FGD4: variants seen among roughly 807,000 people sequenced by gnomAD.
The protein encoded by FGD4 is FYVE, RhoGEF and PH domain containing 4.
Under a neutral mutation model 102.0 loss-of-function variants are expected in FGD4, and 42 were observed. The observed-to-expected ratio is 0.41, with a 90% CI of 0.32 to 0.53. The LOEUF is 0.53. FGD4 is among the 20% of genes least tolerant of loss of function. The pLI is 0.21. For missense variants in FGD4, 902 were observed against 1,078.2 expected (o/e 0.84, Z 2.29); for synonymous variants, 380 against 375.7 (o/e 1.01, Z -0.13).
intron 13 of FGD4, 121 bp from the exon 14 acceptor site, chr12:32,625,533 G>T: frequency 7.7e-7 from 1 of 1,299,202 alleles, no homozygotes; most frequent in Non-Finnish European, 1.1e-6. Flanking sequence ...GCTTCCGAAA[G>T]TGCTGGGATT....
At chr12:32,540,814 C>T (rs1942762838) in intron 1 of FGD4, among the ~76,000 whole-genome samples, 1 of 152,168 alleles carries the variant, frequency 6.6e-6, no homozygotes, top group South Asian at 2.1e-4. Context: ...ATTCGCCCGC[C>T]TCTGCCTCCC....
intron 1 of FGD4, among the ~76,000 whole-genome samples, chr12:32,466,361 T>A (rs1189487149): frequency 1.3e-5 from 2 of 152,044 alleles, no homozygotes; most frequent in African/African-American, 4.8e-5. Context: ...GCAGTGGGGT[T>A]GGCAGGCTCA....
At chr12:32,480,992 A>G (rs1172731883) in intron 1 of FGD4, among the ~76,000 whole-genome samples, 1 of 151,474 alleles carries the variant, frequency 6.6e-6, no homozygotes, top group Non-Finnish European at 1.5e-5. Context: ...TTGTGTGTGT[A>G]TGCATGCTGA....
intron 1 of FGD4, among the ~76,000 whole-genome samples, chr12:32,514,747 T>TAA (rs1342716787): frequency 6.6e-6 from 1 of 152,232 alleles, no homozygotes; most frequent in African/African-American, 2.4e-5. Context: ...AAATTCAATG[T>TAA]AAGATAAAGT....
chr12:32,602,123 ATTTTT>A, intron 6 of FGD4, 33 bp from the exon 7 acceptor site: 1 of 1,572,390 alleles, frequency 6.4e-7, no homozygotes, highest in Non-Finnish European at 8.7e-7. Context: ...TCAAAAAAAA[ATTTTT>A]TTTAAAGACT....
intron 1 of FGD4, among the ~76,000 whole-genome samples, chr12:32,488,982 C>T (rs968538114): frequency 2.0e-5 from 3 of 152,148 alleles, no homozygotes; most frequent in Non-Finnish European, 4.4e-5. Flanking sequence ...ATATTTTATT[C>T]TCTATGATAA....
chr12:32,603,588 T>C (rs1377646157), intron 7 of FGD4, among the ~76,000 whole-genome samples: 1 of 152,046 alleles, frequency 6.6e-6, no homozygotes, highest in Admixed American at 6.6e-5. Context: ...GGTTTCACCG[T>C]GTTAGCCGGG....
intron 1 of FGD4, 106 bp from the exon 2 acceptor site, chr12:32,564,031 G>C (rs1398998318): frequency 9.7e-7 from 1 of 1,025,850 alleles, no homozygotes. Context: ...GGGAGAGGGA[G>C]GGGGAGGGGG....
Position 32,480,502 on chromosome 12 carries a change from TGTTTTTTTC to T in FGD4, c.166+80552_166+80560del. On this transcript the variant is annotated intron_variant, in intron 1 of 16. Coordinates refer to ENST00000534526, the MANE Select transcript of FGD4 (RefSeq NM_001370298.3). ...CTCTTTTTTCTTTTCTTTCTTTCTT[TGTTTTTTTC>T]GTTTTTTTGAGACGGAGTCTTACTC... Among the ~76,000 whole-genome samples the T allele has an allele frequency of 2.0e-5, 3 of 151,962 alleles. No homozygotes were observed. The South Asian group carries it at 6.2e-4, about 32-fold the overall frequency.
intron 1 of FGD4, among the ~76,000 whole-genome samples, chr12:32,460,051 A>G (rs1176249233): frequency 6.6e-6 from 1 of 152,160 alleles, no homozygotes; most frequent in Non-Finnish European, 1.5e-5. Context: ...TACAGTCACA[A>G]ATAAAATCAG....
At chr12:32,538,957 G>A (rs568156735) in intron 1 of FGD4, among the ~76,000 whole-genome samples, 57 of 152,236 alleles carry the variant, frequency 3.7e-4, no homozygotes, top group Admixed American at 3.4e-3. Flanking sequence ...AGTAGGTTGA[G>A]GCAGGAGAAT....
At chr12:32,494,782 G>A (rs149358661) in intron 1 of FGD4, among the ~76,000 whole-genome samples, 92 of 152,330 alleles carry the variant, frequency 6.0e-4, no homozygotes, top group African/African-American at 2.1e-3. Context: ...CAACCTGTGG[G>A]TTTGGAGCTG....
intron 7 of FGD4, among the ~76,000 whole-genome samples, chr12:32,603,105 G>C (rs1040462559): frequency 6.6e-6 from 1 of 152,116 alleles, no homozygotes; most frequent in Non-Finnish European, 1.5e-5. Context: ...TATGCTCTGT[G>C]CTATTAGTGT....
chr12:32,584,594 C>G (rs12322494), intron 4 of FGD4, among the ~76,000 whole-genome samples: 7,906 of 151,526 alleles, frequency 0.052, 709 homozygotes, highest in African/African-American at 0.18. Flanking sequence ...TGTAACCCCC[C>G]CCTCCCAAAA....
At chr12:32,486,917 T>G (rs1943921790) in intron 1 of FGD4, among the ~76,000 whole-genome samples, 1 of 152,248 alleles carries the variant, frequency 6.6e-6, no homozygotes, top group Non-Finnish European at 1.5e-5. Context: ...CTGTAACATT[T>G]TGAGGTGTTT....
At chr12:32,522,181 A>G (rs972501148) in intron 1 of FGD4, among the ~76,000 whole-genome samples, 1 of 152,162 alleles carries the variant, frequency 6.6e-6, no homozygotes, top group Non-Finnish European at 1.5e-5. Flanking sequence ...TTTTCTTTGG[A>G]ATATTATTAC....
chr12:32,453,199 AT>A (rs1273299981), intron 1 of FGD4, among the ~76,000 whole-genome samples: 801 of 60,422 alleles, frequency 0.013, 15 homozygotes, highest in South Asian at 0.02. Flanking sequence ...TTATATATAT[AT>A]TATATATATA....
At chr12:32,552,944 AT>A (rs71068326) in intron 1 of FGD4, among the ~76,000 whole-genome samples, 16,286 of 123,870 alleles carry the variant, frequency 0.13, 1,167 homozygotes, top group African/African-American at 0.29. Flanking sequence ...CGCCTGGCTA[AT>A]TTTTTTTTTT....
chr12:32,477,583 G>A (rs955669855), intron 1 of FGD4: 1 of 152,188 alleles, frequency 6.6e-6, no homozygotes, highest in Non-Finnish European at 1.5e-5. Context: ...AAGTTTGTGT[G>A]TGACAGGAAA....
Sources: gnomAD v4.1 joint callset for allele counts (sites outside exome capture counted in the v4.1 genomes callset) on GRCh38, gnomAD v4.1.1 for gene constraint, MANE v1.5 for transcripts, NCBI Gene and HGNC (gene_info 2026-07-23, HGNC 2026-07-21) for gene names.